Variants in CNTNAP2 observed in about 807,000 individuals in gnomAD.
The protein encoded by CNTNAP2 is contactin-associated protein-like 2.
In CNTNAP2, 98 loss-of-function variants were observed where a neutral mutation model predicts 155.2. The ratio of observed to expected loss-of-function variants is 0.63; its 90% CI spans 0.54 to 0.75. CNTNAP2 has a LOEUF of 0.75. CNTNAP2 is among the 30% of genes least tolerant of loss of function. CNTNAP2 has a pLI of 0.00. For synonymous variants in CNTNAP2, 651 were observed against 631.2 expected (o/e 1.03, Z -0.47); for missense variants, 1,727 against 1,688.1 (o/e 1.02, Z -0.40).
chr7:146,971,563 G>A (rs779748651), intron 3 of CNTNAP2, among the ~76,000 whole-genome samples: 2 of 152,154 alleles, frequency 1.3e-5, no homozygotes, highest in African/African-American at 4.8e-5. Flanking sequence ...TGGAAGCTGG[G>A]AAGTCCAAAC....
At chr7:147,568,186 C>CAA (rs975910576) in intron 12 of CNTNAP2, among the ~76,000 whole-genome samples, 193 of 137,558 alleles carry the variant, frequency 1.4e-3, no homozygotes, top group African/African-American at 4.9e-3. Context: ...GCCTTTCCTT[C>CAA]AAAAAAAAAA....
intron 21 of CNTNAP2, among the ~76,000 whole-genome samples, chr7:148,332,972 T>C (rs1399971163): frequency 1.3e-5 from 2 of 152,196 alleles, no homozygotes; most frequent in Non-Finnish European, 2.9e-5. Context: ...ACTACCACAA[T>C]AAACATGATG....
At chr7:146,164,674 A>C (rs1562973829) in intron 1 of CNTNAP2, among the ~76,000 whole-genome samples, 1 of 152,140 alleles carries the variant, frequency 6.6e-6, no homozygotes, top group Non-Finnish European at 1.5e-5. Flanking sequence ...ATGAACATTG[A>C]GTTATTTTTT....
At chr7:147,829,892 A>G (rs1481125942) in intron 13 of CNTNAP2, among the ~76,000 whole-genome samples, 1 of 152,068 alleles carries the variant, frequency 6.6e-6, no homozygotes, top group African/African-American at 2.4e-5. Context: ...CAGAGGTCAC[A>G]GGTGTCACAT....
chr7:147,513,607 C>A (rs1799059533), intron 11 of CNTNAP2, among the ~76,000 whole-genome samples: 1 of 152,196 alleles, frequency 6.6e-6, no homozygotes, highest in African/African-American at 2.4e-5. Flanking sequence ...ATCAGTGAAG[C>A]AAGTGTTGGA....
intron 1 of CNTNAP2, among the ~76,000 whole-genome samples, chr7:146,188,304 C>T (rs542713292): frequency 2.0e-5 from 3 of 152,092 alleles, no homozygotes; most frequent in Admixed American, 6.6e-5. Flanking sequence ...ATTTTTGGAA[C>T]GTGAATTACC....
At chr7:146,762,624 A>G (rs751421815) in intron 1 of CNTNAP2, among the ~76,000 whole-genome samples, 4 of 152,100 alleles carry the variant, frequency 2.6e-5, no homozygotes, top group Non-Finnish European at 5.9e-5. Flanking sequence ...AAACAAAAAA[A>G]GAATCCCTGT....
intron 21 of CNTNAP2, among the ~76,000 whole-genome samples, chr7:148,338,166 T>G (rs1421290593): frequency 6.6e-6 from 1 of 152,202 alleles, no homozygotes; most frequent in Non-Finnish European, 1.5e-5. Flanking sequence ...CACAATGTCA[T>G]GTTATATAAA....
chr7:147,639,089 T>G lies in CNTNAP2; in HGVS notation c.1898-17T>G. ...CATACTAATGATCCAGGGTCCTGGT[T>G]GTTTTTCTCCCCACAGAGGACAAAG... On this transcript the variant is annotated splice_polypyrimidine_tract_variant and intron_variant, in intron 12 of 23. Coordinates refer to ENST00000361727, the MANE Select transcript of CNTNAP2 (RefSeq NM_014141.6). 6.2e-7 allele frequency: 1 copy of G among 1,613,552 alleles called. No individual in the cohort carries two copies. Among genetic ancestry groups the G allele is most frequent in the Non-Finnish European group, 8.5e-7 (1 of 1,179,550 alleles).
At chr7:148,356,622 C>A (rs117889391) in intron 21 of CNTNAP2, among the ~76,000 whole-genome samples, 3 of 152,188 alleles carry the variant, frequency 2.0e-5, no homozygotes, top group African/African-American at 7.2e-5. Flanking sequence ...TACATTAATT[C>A]TCCTGATGTA....
chr7:148,300,118 GT>G (rs1309187978), intron 21 of CNTNAP2, among the ~76,000 whole-genome samples: 1 of 152,186 alleles, frequency 6.6e-6, no homozygotes, highest in East Asian at 1.9e-4. Flanking sequence ...TGCTCCTAGT[GT>G]TTTTGCTGAA....
chr7:148,347,519 T>A (rs903812481), intron 21 of CNTNAP2, among the ~76,000 whole-genome samples: 4 of 152,206 alleles, frequency 2.6e-5, no homozygotes, highest in Non-Finnish European at 5.9e-5. Context: ...ACCTTTTTTT[T>A]ACTCATGTGA....
intron 13 of CNTNAP2, among the ~76,000 whole-genome samples, chr7:147,717,461 A>C (rs1349113644): frequency 1.1e-4 from 16 of 152,136 alleles, no homozygotes; most frequent in Non-Finnish European, 2.4e-4. Context: ...TTTCATGGAA[A>C]TGGGAACCAG....
chr7:147,384,616 C>A (rs1172205569), intron 9 of CNTNAP2, among the ~76,000 whole-genome samples: 1 of 152,236 alleles, frequency 6.6e-6, no homozygotes, highest in African/African-American at 2.4e-5. Flanking sequence ...TGAAAATTAT[C>A]AGACACTATG....
intron 1 of CNTNAP2, among the ~76,000 whole-genome samples, chr7:146,481,182 T>C (rs1796956020): frequency 6.6e-6 from 1 of 152,234 alleles, no homozygotes; most frequent in African/African-American, 2.4e-5. Context: ...GTAGCTCATT[T>C]GGTATATCTC....
At chr7:146,306,483 T>A (rs1307165963) in intron 1 of CNTNAP2, among the ~76,000 whole-genome samples, 1 of 152,154 alleles carries the variant, frequency 6.6e-6, no homozygotes, top group East Asian at 1.9e-4. Flanking sequence ...TGAACATTGA[T>A]GCAAAAATCC....
chr7:146,478,878 T>G, intron 1 of CNTNAP2, among the ~76,000 whole-genome samples: 1 of 152,298 alleles, frequency 6.6e-6, no homozygotes, highest in Admixed American at 6.5e-5. Flanking sequence ...TGTAGTTATA[T>G]AATATGTAAA....
intron 1 of CNTNAP2, among the ~76,000 whole-genome samples, chr7:146,694,365 T>A (rs1800747977): frequency 6.6e-6 from 1 of 152,232 alleles, no homozygotes; most frequent in African/African-American, 2.4e-5. Context: ...AAAAGACTAC[T>A]TTTTCCATTG....
At position 147,950,349 on chromosome 7, in the gene CNTNAP2, A is replaced by G. The variant is rs578216395; in HGVS notation, c.2256-27513A>G. On this transcript the variant is annotated intron_variant, in intron 14 of 23. Transcript: ENST00000361727. ...TGGCTTTTCCATCACAGCTTAAGCT[A>G]TACACATAGAGAGGCAAAAAAAAAA... is the stretch of plus-strand genomic sequence containing the variant. Among the ~76,000 whole-genome samples, 166 of 135,830 alleles carry G rather than the reference A, an allele frequency of 1.2e-3. 1 individual carries two copies. Among genetic ancestry groups the G allele is most frequent in the African/African-American group, 4.4e-3 (162 of 36,508 alleles). 89.1% of individuals were successfully genotyped at this position (135,830 alleles called of 152,430 possible). A position where few individuals can be genotyped will look rare whatever the true frequency, so the allele number is the denominator to read the frequency against.
Sources: allele counts gnomAD v4.1 joint callset (sites outside exome capture counted in the v4.1 genomes callset), GRCh38; gene constraint gnomAD v4.1.1; transcripts MANE v1.5; gene names NCBI Gene and HGNC (gene_info 2026-07-23, HGNC 2026-07-21).